Variants in PLCH2 observed in about 807,000 individuals in gnomAD.
The protein encoded by PLCH2 is 1-phosphatidylinositol 4,5-bisphosphate phosphodiesterase eta-2.
PLCH2 carries 98 observed loss-of-function variants against 134.7 expected under a neutral mutation model. The observed-to-expected ratio is 0.73, with a 90% confidence interval of 0.62 to 0.86. The LOEUF (loss-of-function observed/expected upper bound fraction) is 0.86, where lower values mean the gene tolerates loss of function less well. Among genes scored for constraint, PLCH2 ranks in the 40% least tolerant of loss-of-function variants. The pLI is 0.00. For synonymous variants in PLCH2, 974 were observed against 827.5 expected, an observed-to-expected ratio of 1.18 and a Z score of -3.04; for missense variants, 1,994 against 1,986.6, an observed-to-expected ratio of 1.00 and a Z score of -0.07.
chr1:2,500,045 T>G, intron 20 of PLCH2: 1 of 445,476 alleles, frequency 2.2e-6, no homozygotes, highest in Non-Finnish European at 4.1e-6. Context: ...ACCCCTACAG[T>G]GCTGCCATCT....
intron 2 of PLCH2, among the ~76,000 whole-genome samples, chr1:2,431,134 G>A (rs1186377066): frequency 6.6e-6 from 1 of 152,084 alleles, no homozygotes; most frequent in Non-Finnish European, 1.5e-5. Flanking sequence ...TGGCTGCCCT[G>A]CGTGTGCGTG....
chr1:2,484,736 G>GTAGC, intron 5 of PLCH2, 118 bp downstream of exon 5: 2 of 1,134,216 alleles, frequency 1.8e-6, no homozygotes, highest in Non-Finnish European at 2.5e-6. Flanking sequence ...GCTATCCCAG[G>GTAGC]CCAGGGATGG....
chr1:2,493,151 T>A (rs1201737802), intron 11 of PLCH2: 2 of 152,212 alleles, frequency 1.3e-5, no homozygotes, highest in Non-Finnish European at 2.9e-5. Context: ...GGTCTTGCTG[T>A]CTCCTCTGTT....
chr1:2,497,108 G>T (rs1377846622), intron 15 of PLCH2, 98 bp downstream of exon 15: 1 of 1,229,862 alleles, frequency 8.1e-7, no homozygotes, highest in Non-Finnish European at 1.1e-6. Context: ...TGGGGCCTCG[G>T]TTCTGTCCTG....
chr1:2,437,678 A>G (rs1639493638), intron 2 of PLCH2, among the ~76,000 whole-genome samples: 2 of 152,240 alleles, frequency 1.3e-5, no homozygotes, highest in Admixed American at 6.5e-5. Context: ...GACAGGCAAT[A>G]CACACATGCA....
At chr1:2,421,473 A>G (rs972908126), upstream of PLCH2, among the ~76,000 whole-genome samples, 2 of 152,168 alleles carry the variant, frequency 1.3e-5, no homozygotes, top group African/African-American at 2.4e-5. Context: ...AATACTCAAA[A>G]TGTATTGCTT....
chr1:2,423,015 A>G (rs773587278), upstream of PLCH2, among the ~76,000 whole-genome samples: 1 of 152,226 alleles, frequency 6.6e-6, no homozygotes, highest in Non-Finnish European at 1.5e-5. Context: ...ATCTCACGAT[A>G]AAAGCCTTTA....
chr1:2,459,195 T>C (rs1640646843), intron 2 of PLCH2, among the ~76,000 whole-genome samples: 1 of 152,266 alleles, frequency 6.6e-6, no homozygotes, highest in African/African-American at 2.4e-5. Context: ...GCATGGGACA[T>C]GGTGACAAAT....
intron 2 of PLCH2, among the ~76,000 whole-genome samples, chr1:2,459,287 G>A (rs1287802654): frequency 2.0e-5 from 3 of 152,206 alleles, no homozygotes; most frequent in African/African-American, 7.2e-5. Flanking sequence ...CTTGCCGGTG[G>A]TCTTCCTTGC....
intron 9 of PLCH2, 74 bp from the exon 10 acceptor site, chr1:2,489,686 T>C: frequency 8.1e-7 from 1 of 1,229,222 alleles, no homozygotes; most frequent in Non-Finnish European, 1.2e-6. Context: ...GGCCGGCGGC[T>C]CTTTGTGGGT....
chr1:2,437,157 C>A (rs1305573034), intron 2 of PLCH2, among the ~76,000 whole-genome samples: 1 of 152,206 alleles, frequency 6.6e-6, no homozygotes, highest in African/African-American at 2.4e-5. Context: ...AGCAGCAAGG[C>A]CACAGCAGGT....
At chr1:2,485,779 GC>G (rs1390617357) in intron 5 of PLCH2, among the ~76,000 whole-genome samples, 2 of 152,172 alleles carry the variant, frequency 1.3e-5, no homozygotes, top group African/African-American at 4.8e-5. Flanking sequence ...GGCAGGAGGA[GC>G]CTTGGGAATC....
rs747835022 is a variant in PLCH2, at chr1:2,491,292, T to A, written c.1616T>A (p.Phe539Tyr). The A allele has an allele frequency of 1.9e-6, 3 of 1,613,154 alleles. No individual in the cohort carries two copies. The change falls in exon 11 of 22, where the codon TTC becomes TAC. Residue 539 changes from phenylalanine (F) to tyrosine (Y), a missense_variant. By Grantham distance (22) the Phe-to-Tyr change is conservative. Transcript: ENST00000378486. Reference protein sequence around the residue: ...KIRDCEDPNNFSVSTLSPSGK... With the variant: ...KIRDCEDPNNYSVSTLSPSGK... The stretch of plus-strand genomic sequence containing the variant: ...CGGGACTGTGAGGACCCCAACAACT[T>A]CTCCGTCTCCACACTGTCCCCATCT...
At chr1:2,483,700 T>C (rs974996968) in intron 4 of PLCH2, among the ~76,000 whole-genome samples, 1 of 151,930 alleles carries the variant, frequency 6.6e-6, no homozygotes, top group African/African-American at 2.4e-5. Flanking sequence ...ATGGCCCCTG[T>C]AGCACCTTGG....
In PLCH2 at chr1:2,489,194, C is replaced by A; in HGVS notation, c.1236-13C>A. 3.1e-6 allele frequency: 5 copies of A among 1,612,484 alleles called. No homozygotes were observed. Among genetic ancestry groups the A allele is most frequent in the Non-Finnish European group, 4.2e-6 (5 of 1,178,952 alleles). On this transcript the variant is annotated splice_polypyrimidine_tract_variant and intron_variant, in intron 8 of 21. Transcript: ENST00000378486. ...CCTGGCCTCATCCTGCTCTTTCTGCCTTGGGGCCACAGGTACCCAGTGATC... is the reference window on the plus strand; with the variant it reads ...CCTGGCCTCATCCTGCTCTTTCTGCATTGGGGCCACAGGTACCCAGTGATC...
Position 2,499,077 on chromosome 1 carries a change from T to C in PLCH2, c.2435-7T>C. 1 of 1,606,914 alleles carries C rather than the reference T, an allele frequency of 6.2e-7. No individual in the cohort carries two copies. On this transcript the variant is annotated splice_polypyrimidine_tract_variant and splice_region_variant and intron_variant, in intron 18 of 21. Transcript: ENST00000378486. ...ATGGGACACTCCTCCTGGCGCTGCT[T>C]CCCCAGGGTTCAACCCCACCTGGGA... is the stretch of plus-strand genomic sequence containing the variant.
intron 4 of PLCH2, 73 bp downstream of exon 4, chr1:2,480,385 C>A: frequency 5.3e-6 from 8 of 1,506,862 alleles, no homozygotes; most frequent in Non-Finnish European, 7.3e-6. Flanking sequence ...TGGCTGGGAG[C>A]CTGCCAGCCC....
At chr1:2,434,664 CT>C (rs1163211889) in intron 2 of PLCH2, among the ~76,000 whole-genome samples, 1 of 152,228 alleles carries the variant, frequency 6.6e-6, no homozygotes, top group Non-Finnish European at 1.5e-5. Context: ...CAGCAACCCC[CT>C]TCCCCCCACA....
At position 2,477,770 on chromosome 1, in the gene PLCH2, A is replaced by G. The variant is rs532197320; in HGVS notation, c.125-706A>G. Among the ~76,000 whole-genome samples the G allele has an allele frequency of 6.9e-4, 105 of 152,328 alleles. 1 individual carries two copies. The highest frequency in any genetic ancestry group is 2.1e-3 in the Admixed American group (32 of 15,312). On this transcript the variant is annotated intron_variant, in intron 1 of 21. Transcript: ENST00000378486. ...TCGGATCCGGCACCACAGCCTCCCA[A>G]GTCCATACTGCAGTGCAGGGCGTGC...
Sources: allele counts gnomAD v4.1 joint callset (sites outside exome capture counted in the v4.1 genomes callset), GRCh38; gene constraint gnomAD v4.1.1; transcripts MANE v1.5; gene names NCBI Gene and HGNC (gene_info 2026-07-23, HGNC 2026-07-21).